The following SMG1 variants were observed in gnomAD, a reference collection of about 807,000 sequenced individuals.
The protein encoded by SMG1 is SMG1 nonsense mediated mRNA decay associated PI3K related kinase, also known as serine/threonine-protein kinase SMG1.
A neutral mutation model predicts 419.9 loss-of-function variants in SMG1; 22 were observed. That is an observed-to-expected ratio of 0.05 (90% CI 0.04 to 0.07). The LOEUF (loss-of-function observed/expected upper bound fraction) is 0.07. Among genes scored for constraint, SMG1 ranks in the 10% least tolerant of loss-of-function variants. SMG1 has a pLI of 1.00. For synonymous variants in SMG1, 1,538 were observed against 1,553.5 expected (o/e 0.99, Z 0.23); for missense variants, 3,185 against 4,342.0 (o/e 0.73, Z 7.49).
chr16:18,815,885 T>C (rs1203561783), intron 58 of SMG1: 2 of 513,748 alleles, frequency 3.9e-6, no homozygotes, highest in African/African-American at 3.9e-5. Flanking sequence ...AATAGCCTTT[T>C]CTGGAGGCTT....
intron 1 of SMG1, among the ~76,000 whole-genome samples, chr16:18,905,127 G>C (rs1001654107): frequency 1.3e-4 from 20 of 152,080 alleles, no homozygotes; most frequent in Non-Finnish European, 2.6e-4. Context: ...CGGGTATGGT[G>C]GTGGGCGCCT....
intron 29 of SMG1, chr16:18,857,491 T>C (rs1483268551): frequency 2.0e-5 from 3 of 152,132 alleles, no homozygotes; most frequent in Admixed American, 2.0e-4. Context: ...CAAACTAAAA[T>C]ACAAATGAAA....
At chr16:18,852,586 A>G in intron 31 of SMG1, 124 bp from the exon 32 acceptor site, 1 of 769,048 alleles carries the variant, frequency 1.3e-6, no homozygotes, top group Admixed American at 3.5e-5. Context: ...AAGTTCCAAA[A>G]TATTACTGTA....
intron 1 of SMG1, among the ~76,000 whole-genome samples, chr16:18,907,891 A>G (rs1299758640): frequency 2.7e-5 from 4 of 150,396 alleles, no homozygotes; most frequent in Admixed American, 6.6e-5. Flanking sequence ...TCAGCTCTCA[A>G]TTGCATCACT....
rs781657610 is a variant in SMG1, at chr16:18,850,276, G to A, written c.5244C>T (p.Cys1748=). Residue 1748 remains cysteine (C), a synonymous_variant, in exon 34 of 63, where the codon TGC becomes TGT. Coordinates refer to ENST00000446231, the MANE Select transcript of SMG1 (RefSeq NM_015092.5). ...GTTTAAGGAAAGTAAAGTATGCACT[G>A]CAAGAGAGTTTGTACAGGCTGAATA... ...DRIFSLYKLS[C]SAYFTFLKLN... The A allele has an allele frequency of 7.4e-6, 12 of 1,612,818 alleles. No individual in the cohort carries two copies. The highest frequency in any genetic ancestry group is 5.0e-5 in the Admixed American group (3 of 59,830).
At chr16:18,851,399 ACACACACACG>A (rs2034583533) in intron 33 of SMG1, among the ~76,000 whole-genome samples, 1 of 150,422 alleles carries the variant, frequency 6.6e-6, no homozygotes, top group African/African-American at 2.5e-5. Flanking sequence ...AAATACACAC[ACACACACACG>A]CGCACGCGCA....
In SMG1 at chr16:18,831,988, G is replaced by A. The variant is rs189623953; in HGVS notation, c.8792+952C>T. 2.3e-3 allele frequency among the ~76,000 whole-genome samples: 354 copies of A among 151,970 alleles called. 2 individuals carry two copies. The highest frequency in any genetic ancestry group is 0.01 in the Middle Eastern group (3 of 292). On this transcript the variant is annotated intron_variant, in intron 51 of 62. Coordinates refer to ENST00000446231, the MANE Select transcript of SMG1 (RefSeq NM_015092.5). The stretch of plus-strand genomic sequence containing the variant: ...GATTACATATATATGTATACTTTCT[G>A]CATTATTAATATTTAAGAATGAAAA...
intron 40 of SMG1, 141 bp downstream of exon 40, chr16:18,842,067 A>G (rs1334132913): frequency 1.9e-5 from 18 of 964,278 alleles, no homozygotes; most frequent in East Asian, 7.9e-5. Flanking sequence ...TCAAAAGCAC[A>G]TAAGATATAG....
chr16:18,893,563 T>C (rs2036979577), intron 3 of SMG1, among the ~76,000 whole-genome samples: 1 of 152,050 alleles, frequency 6.6e-6, no homozygotes, highest in Non-Finnish European at 1.5e-5. Flanking sequence ...AAGCGAAGGT[T>C]GCAGTGAAAT....
In SMG1 at chr16:18,804,914, G is replaced by A. The variant is rs1175788167; in HGVS notation, c.*4655C>T. The A allele has an allele frequency of 6.6e-6, 1 of 152,612 alleles. No individual in the cohort carries two copies. Among genetic ancestry groups the A allele is most frequent in the Non-Finnish European group, 1.5e-5 (1 of 68,036 alleles). 9.5% of individuals were successfully genotyped at this position (152,612 alleles called of 1,614,324 possible). On this transcript the variant is annotated 3_prime_UTR_variant, in exon 63 of 63. Coordinates refer to ENST00000446231, the MANE Select transcript of SMG1 (RefSeq NM_015092.5). ...AAAACAGGTATTTCATACAATCTTT[G>A]CCATGTTAATGCAAATATGCACAAA...
chr16:18,835,587 T>C (rs2033509158), intron 48 of SMG1, among the ~76,000 whole-genome samples: 1 of 152,080 alleles, frequency 6.6e-6, no homozygotes. Flanking sequence ...GGCTGCAGAA[T>C]ACAACTTTGC....
intron 18 of SMG1, 117 bp downstream of exon 18, chr16:18,870,493 G>T (rs1316107738): frequency 7.4e-6 from 5 of 676,862 alleles, no homozygotes; most frequent in African/African-American, 7.3e-5. Context: ...TGACAAACAG[G>T]GCCATAAAAG....
Position 18,836,305 on chromosome 16 carries a change from C to T in SMG1, c.7777+55G>A, listed in dbSNP as rs190391727. ...CAAACCAGGACCCCACACAAACACA[C>T]ATGACTATAAAACTCATAGTTTCAC... On this transcript the variant is annotated intron_variant, in intron 47 of 62. Transcript: ENST00000446231. 16 of 1,594,774 alleles carry T rather than the reference C, an allele frequency of 1.0e-5. No individual in the cohort carries two copies. The Admixed American group carries it at 1.4e-4, about 14-fold the overall frequency.
chr16:18,842,830 A>G (rs2034004482), intron 39 of SMG1, among the ~76,000 whole-genome samples: 1 of 152,214 alleles, frequency 6.6e-6, no homozygotes, highest in Admixed American at 6.5e-5. Context: ...ACCCTGTCTC[A>G]AAAACAACAA....
intron 60 of SMG1, among the ~76,000 whole-genome samples, chr16:18,814,524 A>G (rs2031802500): frequency 6.6e-6 from 1 of 151,954 alleles, no homozygotes; most frequent in Non-Finnish European, 1.5e-5. Flanking sequence ...AATAAAAACA[A>G]TTTTTTTAAA....
intron 3 of SMG1, among the ~76,000 whole-genome samples, chr16:18,893,259 C>A (rs1323729225): frequency 1.3e-5 from 2 of 152,278 alleles, no homozygotes; most frequent in East Asian, 1.9e-4. Flanking sequence ...AACTTTTCTC[C>A]CCTTATTTTT....
chr16:18,869,683 C>T (rs2035707247), intron 19 of SMG1, among the ~76,000 whole-genome samples, 171 bp downstream of exon 19: 1 of 152,090 alleles, frequency 6.6e-6, no homozygotes, highest in African/African-American at 2.4e-5. Context: ...TCTACAGATG[C>T]TATCTTCAAA....
chr16:18,813,425 G>A (rs947785379), intron 60 of SMG1, among the ~76,000 whole-genome samples: 10 of 152,212 alleles, frequency 6.6e-5, no homozygotes, highest in African/African-American at 2.2e-4. Flanking sequence ...GGCCAGTGAT[G>A]ATGAGCATTT....
intron 1 of SMG1, among the ~76,000 whole-genome samples, chr16:18,912,925 T>C (rs1005944214): frequency 3.3e-5 from 5 of 152,134 alleles, no homozygotes; most frequent in African/African-American, 9.6e-5. Flanking sequence ...TTCACGTTTA[T>C]ACAACGTTCG....
Sources: allele counts gnomAD v4.1 joint callset (sites outside exome capture counted in the v4.1 genomes callset), GRCh38; gene constraint gnomAD v4.1.1; transcripts MANE v1.5; gene names NCBI Gene and HGNC (gene_info 2026-07-23, HGNC 2026-07-21).